ATF1: variants seen among roughly 807,000 people sequenced by gnomAD.
The protein encoded by ATF1 is activating transcription factor 1, also known as cyclic AMP-dependent transcription factor ATF-1.
ATF1 carries 16 observed loss-of-function variants against 34.7 expected under a neutral mutation model. The ratio of observed to expected loss-of-function variants is 0.46; its 90% CI spans 0.31 to 0.70. The LOEUF is 0.70. Ranked by LOEUF, ATF1 falls within the 30% of genes least tolerant of loss-of-function variation. The pLI is 0.05. For missense variants in ATF1, 255 were observed against 321.6 expected (o/e 0.79, Z 1.58); for synonymous variants, 105 against 113.1 (o/e 0.93, Z 0.46).
chr12:50,817,106 A>G (rs1941858097), intron 6 of ATF1, among the ~76,000 whole-genome samples: 1 of 152,176 alleles, frequency 6.6e-6, no homozygotes, highest in Non-Finnish European at 1.5e-5. Flanking sequence ...ATTAGGCCTT[A>G]TCTTGTACAG....
At chr12:50,812,031 G>C (rs1259534731) in intron 4 of ATF1, among the ~76,000 whole-genome samples, 1 of 152,160 alleles carries the variant, frequency 6.6e-6, no homozygotes, top group Non-Finnish European at 1.5e-5. Context: ...TTGAAATATG[G>C]CTGGTGGGAC....
At chr12:50,763,697 C>T (rs1463009643), upstream of ATF1, 1 of 151,540 alleles carries the variant, frequency 6.6e-6, no homozygotes, top group African/African-American at 2.4e-5. Flanking sequence ...CTTCATTTCT[C>T]CTTCCAAGAG....
chr12:50,814,815 T>G (rs575707986), intron 6 of ATF1, among the ~76,000 whole-genome samples: 100 of 143,996 alleles, frequency 6.9e-4, no homozygotes, highest in African/African-American at 2.4e-3. Flanking sequence ...AGTGTATACC[T>G]TCTACTTTTT....
At chr12:50,769,398 C>G (rs548149098) in intron 1 of ATF1, among the ~76,000 whole-genome samples, 1 of 151,468 alleles carries the variant, frequency 6.6e-6, no homozygotes, top group Non-Finnish European at 1.5e-5. Context: ...CACAGCTACT[C>G]GAGGCTGAGG....
At chr12:50,819,605 T>TAAC (rs774893720) in intron 6 of ATF1, 30 bp from the exon 7 acceptor site, 3 of 1,602,080 alleles carry the variant, frequency 1.9e-6, no homozygotes, top group Non-Finnish European at 2.5e-6. Flanking sequence ...AAGTTTTTTC[T>TAAC]AACATTGTTT....
chr12:50,766,929 A>G (rs951417260), intron 1 of ATF1, among the ~76,000 whole-genome samples: 8 of 152,246 alleles, frequency 5.3e-5, no homozygotes, highest in Admixed American at 4.6e-4. Flanking sequence ...TAAAGATGAC[A>G]GGCCCATCTG....
intron 3 of ATF1, among the ~76,000 whole-genome samples, chr12:50,805,576 A>C (rs1434592481): frequency 6.6e-6 from 1 of 151,870 alleles, no homozygotes; most frequent in Admixed American, 6.6e-5. Context: ...AAAAAAAAAA[A>C]AAAAAACCTT....
intron 3 of ATF1, among the ~76,000 whole-genome samples, chr12:50,804,238 A>C (rs77785026): frequency 0.026 from 3,908 of 152,312 alleles, 169 homozygotes; most frequent in African/African-American, 0.089. Flanking sequence ...AATGAAAAAA[A>C]CTAACATGGC....
At chr12:50,797,980 C>T (rs746291892) in intron 3 of ATF1, among the ~76,000 whole-genome samples, 75 of 151,800 alleles carry the variant, frequency 4.9e-4, no homozygotes, top group Non-Finnish European at 8.7e-4. Context: ...GAGTTCGAAA[C>T]GAGCCTGGCC....
intron 3 of ATF1, 122 bp from the exon 4 acceptor site, chr12:50,809,334 A>C: frequency 4.7e-6 from 4 of 846,402 alleles, no homozygotes; most frequent in Non-Finnish European, 7.0e-6. Flanking sequence ...TGATGGCGCC[A>C]CTGTACTCCA....
chr12:50,775,277 T>A (rs1188967212), intron 1 of ATF1, among the ~76,000 whole-genome samples: 1 of 152,122 alleles, frequency 6.6e-6, no homozygotes, highest in Non-Finnish European at 1.5e-5. Context: ...AATTATTGTC[T>A]AAAATGTTAC....
At chr12:50,775,306 T>C (rs905036855) in intron 1 of ATF1, among the ~76,000 whole-genome samples, 4 of 152,114 alleles carry the variant, frequency 2.6e-5, no homozygotes, top group Non-Finnish European at 4.4e-5. Flanking sequence ...TATAGTGGCT[T>C]TTACTGTTGA....
At chr12:50,814,223 C>T (rs767437117) in intron 5 of ATF1, 31 bp downstream of exon 5, 3 of 1,613,396 alleles carry the variant, frequency 1.9e-6, no homozygotes, top group Non-Finnish European at 2.5e-6. Context: ...CAGAAAGTCT[C>T]CTAACACTGT....
At chr12:50,817,880 G>A (rs1941875110) in intron 6 of ATF1, among the ~76,000 whole-genome samples, 1 of 152,136 alleles carries the variant, frequency 6.6e-6, no homozygotes, top group Admixed American at 6.6e-5. Flanking sequence ...AGTGAGGTTC[G>A]CTTTTTGTCA....
chr12:50,767,638 C>T (rs1047547525), intron 1 of ATF1, among the ~76,000 whole-genome samples: 1 of 152,244 alleles, frequency 6.6e-6, no homozygotes, highest in Non-Finnish European at 1.5e-5. Context: ...TGGATGAAGT[C>T]TCCACCTTGT....
At chr12:50,811,522 G>T (rs1941736557) in intron 4 of ATF1, among the ~76,000 whole-genome samples, 1 of 150,956 alleles carries the variant, frequency 6.6e-6, no homozygotes, top group African/African-American at 2.4e-5. Flanking sequence ...TGTAGTTCAT[G>T]TCCGTAATCT....
chr12:50,788,216 TC>T (rs1371574931), intron 2 of ATF1: 4 of 452,366 alleles, frequency 8.8e-6, no homozygotes, highest in African/African-American at 8.0e-5. Flanking sequence ...AGGGTCTCAC[TC>T]TGTCACCCAG....
intron 1 of ATF1, 107 bp downstream of exon 1, chr12:50,764,414 G>T (rs945153690): frequency 4.0e-5 from 6 of 151,004 alleles, no homozygotes; most frequent in Non-Finnish European, 8.9e-5. Context: ...GGTGGGGGTC[G>T]CGCGCGGTGG....
chr12:50,768,356 C>G (rs1276812481), intron 1 of ATF1, among the ~76,000 whole-genome samples: 2 of 152,188 alleles, frequency 1.3e-5, no homozygotes, highest in Non-Finnish European at 2.9e-5. Flanking sequence ...GAAATACCAG[C>G]CGTTTGGCAT....
Sources: allele counts gnomAD v4.1 joint callset (sites outside exome capture counted in the v4.1 genomes callset), GRCh38; gene constraint gnomAD v4.1.1; transcripts MANE v1.5; gene names NCBI Gene and HGNC (gene_info 2026-07-23, HGNC 2026-07-21).